B3GALT1: variants seen among roughly 807,000 people sequenced by gnomAD.
The protein encoded by B3GALT1 is beta-1,3-galactosyltransferase 1, also known as UDP-Gal:betaGlcNAc beta 1,3-galactosyltransferase, polypeptide 1.
Under a neutral mutation model 23.2 loss-of-function variants are expected in B3GALT1, and 10 were observed. The ratio of observed to expected loss-of-function variants is 0.43; its 90% confidence interval spans 0.27 to 0.73. The LOEUF (loss-of-function observed/expected upper bound fraction) is 0.73. Among genes scored for constraint, B3GALT1 ranks in the 30% least tolerant of loss-of-function variants. The pLI is 0.21. For synonymous variants in B3GALT1, 156 were observed against 141.5 expected, an observed-to-expected ratio of 1.10 and a Z score of -0.73; for missense variants, 299 against 405.4, an observed-to-expected ratio of 0.74 and a Z score of 2.25.
rs576966269 is a variant in B3GALT1, at chr2:167,619,721, A to G, written c.-409-27188A>G. On this transcript the variant is annotated intron_variant, in intron 2 of 4. Transcript: ENST00000392690. ...CCAATATAAATGGTTTAAGTCTCAC[A>G]TAGGTAATTGTCCAGCTTCCAGTTG... 9.9e-5 allele frequency among the ~76,000 whole-genome samples: 15 copies of G among 152,214 alleles called. No individual in the cohort carries two copies. In the East Asian group the frequency reaches 2.9e-3, roughly 29 times the overall value.
chr2:167,785,863 C>T (rs1210957763), intron 3 of B3GALT1, among the ~76,000 whole-genome samples: 1 of 152,182 alleles, frequency 6.6e-6, no homozygotes, highest in Non-Finnish European at 1.5e-5. Context: ...GAAGTGAAGT[C>T]AAAGCCCTCT....
At chr2:167,405,868 A>G (rs1453455483) in intron 1 of B3GALT1, among the ~76,000 whole-genome samples, 1 of 152,178 alleles carries the variant, frequency 6.6e-6, no homozygotes, top group South Asian at 2.1e-4. Context: ...AGAGAATTAT[A>G]TACTCTAAGG....
At chr2:167,800,756 G>A (rs7603248) in intron 3 of B3GALT1, among the ~76,000 whole-genome samples, 31,148 of 152,082 alleles carry the variant, frequency 0.2, 3,716 homozygotes, top group African/African-American at 0.31. Flanking sequence ...GTCTCTGTCA[G>A]TGACTCGGGA....
chr2:167,449,258 G>T (rs964873273), intron 1 of B3GALT1, among the ~76,000 whole-genome samples: 11 of 152,072 alleles, frequency 7.2e-5, no homozygotes, highest in African/African-American at 2.4e-4. Context: ...TGTCATCAGT[G>T]ATTTCTTTCA....
chr2:167,803,199 T>G (rs1688674753), intron 3 of B3GALT1, among the ~76,000 whole-genome samples: 1 of 151,860 alleles, frequency 6.6e-6, no homozygotes, highest in South Asian at 2.1e-4. Context: ...GAGCCAATCC[T>G]TAAAAAAATT....
chr2:167,507,087 A>G (rs1699930486), intron 2 of B3GALT1, among the ~76,000 whole-genome samples: 1 of 152,208 alleles, frequency 6.6e-6, no homozygotes, highest in South Asian at 2.1e-4. Context: ...AAAAAGAATA[A>G]TAGAAAGTTT....
At chr2:167,652,225 C>G (rs59451543) in intron 3 of B3GALT1, among the ~76,000 whole-genome samples, 14,479 of 152,144 alleles carry the variant, frequency 0.095, 1,920 homozygotes, top group African/African-American at 0.3. Context: ...GCCAATCTCA[C>G]AACAGACATC....
At chr2:167,591,307 C>T (rs1047931587) in intron 2 of B3GALT1, among the ~76,000 whole-genome samples, 1 of 151,756 alleles carries the variant, frequency 6.6e-6, no homozygotes, top group Non-Finnish European at 1.5e-5. Flanking sequence ...TAGTATGGCT[C>T]AATTAAAGTG....
At chr2:167,615,229 C>CA (rs1190560018) in intron 2 of B3GALT1, among the ~76,000 whole-genome samples, 1 of 151,846 alleles carries the variant, frequency 6.6e-6, no homozygotes, top group Admixed American at 6.6e-5. Flanking sequence ...TGTCATTTGC[C>CA]ACAACATGGA....
chr2:167,732,395 G>T (rs551584500), intron 3 of B3GALT1, among the ~76,000 whole-genome samples: 1 of 152,292 alleles, frequency 6.6e-6, no homozygotes, highest in Non-Finnish European at 1.5e-5. Context: ...ATTCACAGTG[G>T]TCACTCCAGA....
At chr2:167,727,911 T>C (rs1227673029) in intron 3 of B3GALT1, among the ~76,000 whole-genome samples, 1 of 96,458 alleles carries the variant, frequency 1.0e-5, no homozygotes, top group African/African-American at 5.0e-5. Context: ...AGCTAGAAGC[T>C]TTTGATACAT....
chr2:167,405,316 A>G (rs1209501658), intron 1 of B3GALT1, among the ~76,000 whole-genome samples: 2 of 152,184 alleles, frequency 1.3e-5, no homozygotes, highest in Non-Finnish European at 2.9e-5. Flanking sequence ...TGTTTTAATA[A>G]TACTTTTAAT....
At chr2:167,360,981 T>A (rs1203112903) in intron 1 of B3GALT1, among the ~76,000 whole-genome samples, 7 of 152,196 alleles carry the variant, frequency 4.6e-5, no homozygotes, top group Non-Finnish European at 1.5e-5. Flanking sequence ...CCTGGCTTAT[T>A]TCACTTAACG....
chr2:167,646,167 G>T (rs1044853556), intron 2 of B3GALT1, among the ~76,000 whole-genome samples: 1 of 152,122 alleles, frequency 6.6e-6, no homozygotes, highest in African/African-American at 2.4e-5. Context: ...TAAATTTCCT[G>T]AGGATAAATC....
At chr2:167,499,347 T>C (rs1407679259) in intron 2 of B3GALT1, among the ~76,000 whole-genome samples, 1 of 152,116 alleles carries the variant, frequency 6.6e-6, no homozygotes, top group East Asian at 1.9e-4. Context: ...GCCCCAGAAA[T>C]GATTTTTTTA....
chr2:167,709,554 G>A (rs1410418608), intron 3 of B3GALT1, among the ~76,000 whole-genome samples: 2 of 152,328 alleles, frequency 1.3e-5, no homozygotes, highest in Non-Finnish European at 2.9e-5. Flanking sequence ...GATAGGAAAT[G>A]TGAGTGGAGC....
intron 2 of B3GALT1, among the ~76,000 whole-genome samples, chr2:167,556,031 C>A (rs532787521): frequency 2.4e-4 from 36 of 152,162 alleles, no homozygotes; most frequent in African/African-American, 8.4e-4. Context: ...TTCTATGGAT[C>A]CCAGGGACAA....
chr2:167,844,454 C>T (rs539668094), intron 4 of B3GALT1, among the ~76,000 whole-genome samples: 5 of 152,216 alleles, frequency 3.3e-5, no homozygotes, highest in Non-Finnish European at 7.3e-5. Flanking sequence ...AAAGGGAGAC[C>T]CTCCTCTCCC....
intron 1 of B3GALT1, among the ~76,000 whole-genome samples, chr2:167,404,728 A>G (rs1698247453): frequency 6.6e-6 from 1 of 152,206 alleles, no homozygotes; most frequent in South Asian, 2.1e-4. Flanking sequence ...ACCTTCGCCT[A>G]GATTTCAAAT....
Sources: gnomAD v4.1 joint callset for allele counts (sites outside exome capture counted in the v4.1 genomes callset) on GRCh38, gnomAD v4.1.1 for gene constraint, MANE v1.5 for transcripts, NCBI Gene and HGNC (gene_info 2026-07-23, HGNC 2026-07-21) for gene names.